STRA6: variants seen among roughly 807,000 people sequenced by gnomAD.
The protein encoded by STRA6 is receptor for retinol uptake STRA6.
In STRA6, 48 loss-of-function variants were observed where a neutral mutation model predicts 83.6. That is an observed-to-expected ratio of 0.57 (90% CI 0.46 to 0.73). The LOEUF is 0.73. Among genes scored for constraint, STRA6 ranks in the 30% least tolerant of loss-of-function variants. The pLI, the probability that STRA6 is intolerant of heterozygous loss-of-function variation, is 0.00. For synonymous variants in STRA6, 353 were observed against 362.3 expected (o/e 0.97, Z 0.29); for missense variants, 760 against 838.8 (o/e 0.91, Z 1.16).
upstream of STRA6, among the ~76,000 whole-genome samples, chr15:74,211,370 T>C (rs34573746): frequency 0.13 from 19,995 of 149,300 alleles, 1,875 homozygotes; most frequent in Non-Finnish European, 0.21. Flanking sequence ...CTGCTGGGTC[T>C]CTCTGTCAAT....
At position 74,183,881 on chromosome 15, in the gene STRA6, G is replaced by A. The variant is rs757544302; in HGVS notation, c.1275C>T (p.Ala425=). Residue 425 remains alanine (A), a synonymous_variant, in exon 14 of 19, where the codon GCC becomes GCT. Coordinates refer to ENST00000395105, the MANE Select transcript of STRA6 (RefSeq NM_022369.4). ...CAAGGCAGATAAAGGCTGTCTGGTA[G>A]GCACTGAAGCTCATCCAACAGAATA... is the stretch of plus-strand genomic sequence containing the variant. The part of the protein sequence containing the change: ...QAIFCWMSFS[A]YQTAFICLGL... The A allele has an allele frequency of 1.2e-6, 2 of 1,614,134 alleles. No individual in the cohort carries two copies. The highest frequency in any genetic ancestry group is 2.2e-5 in the South Asian group (2 of 91,088).
At position 74,179,917 on chromosome 15, in the gene STRA6, G is replaced by C; in HGVS notation, c.*163C>G. The C allele has an allele frequency of 1.1e-6, 1 of 937,940 alleles. No individual in the cohort carries two copies. Among genetic ancestry groups the C allele is most frequent in the African/African-American group, 1.6e-5 (1 of 61,186 alleles). The allele number at this position is 937,940 out of a possible 1,614,324, so 58.1% of individuals were successfully genotyped here. A position where few individuals can be genotyped will look rare whatever the true frequency, so the allele number is the denominator to read the frequency against. ...CAAGTGGGTGGAGCAGAGCCCTCCTGAGGCTCCCAGTGCAGACAGACCTCC... is the reference window on the plus strand; with the variant it reads ...CAAGTGGGTGGAGCAGAGCCCTCCTCAGGCTCCCAGTGCAGACAGACCTCC... On this transcript the variant is annotated 3_prime_UTR_variant, in exon 19 of 19. Transcript: ENST00000395105.
upstream of STRA6, among the ~76,000 whole-genome samples, chr15:74,211,043 C>A (rs2074360252): frequency 6.6e-6 from 1 of 152,174 alleles, no homozygotes; most frequent in Non-Finnish European, 1.5e-5. Flanking sequence ...CAGACTCCAA[C>A]ACATCCAAAA....
intron 4 of STRA6, among the ~76,000 whole-genome samples, chr15:74,196,718 C>T (rs1473089512): frequency 6.6e-6 from 1 of 152,176 alleles, no homozygotes; most frequent in Admixed American, 6.5e-5. Context: ...AGGCTGGTTC[C>T]CCACAAAACC....
At chr15:74,206,401 C>T (rs149524234), upstream of STRA6, among the ~76,000 whole-genome samples, 522 of 152,258 alleles carry the variant, frequency 3.4e-3, 5 homozygotes, top group African/African-American at 0.012. Flanking sequence ...ATGGGAGGCT[C>T]GGCTCTGAGC....
rs1365522848 is a variant in STRA6 at position 74,202,704 on chromosome 15, C to A, written c.-16+9G>T. On this transcript the variant is annotated intron_variant, in intron 1 of 18. Transcript: ENST00000395105. ...TCCCAAGCCCACCTAGACAGACCCACAGACACACCAGAAGGGAGGCCCAGG... is the reference window on the plus strand; with the variant it reads ...TCCCAAGCCCACCTAGACAGACCCAAAGACACACCAGAAGGGAGGCCCAGG... The A allele has an allele frequency of 2.4e-5, 32 of 1,314,592 alleles. No homozygotes were observed. The highest frequency in any genetic ancestry group is 3.1e-5 in the Non-Finnish European group (32 of 1,036,572). 81.4% of individuals were successfully genotyped at this position (1,314,592 alleles called of 1,614,324 possible).
At position 74,183,486 on chromosome 15, in the gene STRA6, C is replaced by T. The variant is rs145438014; in HGVS notation, c.1300+370G>A. The T allele has an allele frequency of 1.5e-3, 1,688 of 1,147,684 alleles. 17 individuals carry two copies. In the African/African-American group the frequency reaches 0.021, roughly 14 times the overall value. 71.1% of individuals were successfully genotyped at this position (1,147,684 alleles called of 1,614,324 possible). On this transcript the variant is annotated intron_variant, in intron 14 of 18. Coordinates refer to ENST00000395105, the MANE Select transcript of STRA6 (RefSeq NM_022369.4). Reference sequence around the variant, plus strand: ...GTCTTCATCTCCTGACTTCGTGATCCACCTGCCTCAGCCTCCCAAAGTGCT... The same window carrying T: ...GTCTTCATCTCCTGACTTCGTGATCTACCTGCCTCAGCCTCCCAAAGTGCT...
upstream of STRA6, among the ~76,000 whole-genome samples, chr15:74,211,907 A>C (rs938262443): frequency 1.3e-4 from 20 of 149,594 alleles, no homozygotes; most frequent in Non-Finnish European, 2.2e-4. Context: ...TTTTCTCTCT[A>C]TCACTCTCTC....
Position 74,180,820 on chromosome 15 carries a change from G to A in STRA6, c.1802C>T (p.Ala601Val). ...AQSLLPRTMA[A>V]PQDSLRPGEE... ...CCCTGGTCTGAGGCTGTCCTGGGGG[G>A]CTGCCATGGTCCTGGGTAGGAGGCT... The change falls in exon 18 of 19, where the codon GCC becomes GTC. Residue 601 changes from alanine (A) to valine (V), a missense_variant. Transcript: ENST00000395105. The A allele has an allele frequency of 1.2e-6, 2 of 1,613,578 alleles. No homozygotes were observed. Among genetic ancestry groups the A allele is most frequent in the Non-Finnish European group, 1.7e-6 (2 of 1,179,578 alleles).
intron 1 of STRA6, chr15:74,208,754 A>G: frequency 1.0e-6 from 1 of 988,274 alleles, no homozygotes; most frequent in Non-Finnish European, 1.2e-6. Context: ...CTGTTCCCCG[A>G]CCTGTTCCAA....
intron 8 of STRA6, among the ~76,000 whole-genome samples, chr15:74,192,431 C>T (rs959019959): frequency 2.0e-5 from 3 of 152,136 alleles, no homozygotes; most frequent in African/African-American, 4.8e-5. Context: ...GTCTGGAGTC[C>T]GTGGGCCTTC....
chr15:74,194,354 T>C lies in STRA6; in HGVS notation c.598-432A>G, dbSNP rs2073707694. ...CTACTCCTCAGGGCTGAGGCCTTCC[T>C]GGGGGTGGGCTTTTTGTATACTCAT... On this transcript the variant is annotated intron_variant, in intron 7 of 18. Transcript: ENST00000395105. 12 of 1,072,618 alleles carry C rather than the reference T, an allele frequency of 1.1e-5. No homozygotes were observed. The South Asian group carries it at 3.6e-4, about 33-fold the overall frequency. 66.4% of individuals were successfully genotyped at this position (1,072,618 alleles called of 1,614,324 possible).
rs182597347 is a variant in STRA6 at position 74,181,057 on chromosome 15, C to T, written c.1685-120G>A. ...CACTCCCTGCATCCAAGCATGTCGA[C>T]ACACCAAGCACGTGGCACATTGGCT... is the stretch of plus-strand genomic sequence containing the variant. On this transcript the variant is annotated intron_variant, in intron 17 of 18. Transcript: ENST00000395105. The T allele has an allele frequency of 5.5e-6, 8 of 1,454,980 alleles. No homozygotes were observed. The East Asian group carries it at 1.4e-4, about 25-fold the overall frequency. 90.1% of individuals were successfully genotyped at this position (1,454,980 alleles called of 1,614,324 possible). A position where few individuals can be genotyped will look rare whatever the true frequency, so the allele number is the denominator to read the frequency against.
At chr15:74,186,829 G>C (rs928265182) in intron 12 of STRA6, among the ~76,000 whole-genome samples, 3 of 152,152 alleles carry the variant, frequency 2.0e-5, no homozygotes, top group Admixed American at 6.5e-5. Context: ...GCCCCACTCT[G>C]AGAGTTTCTG....
intron 2 of STRA6, among the ~76,000 whole-genome samples, chr15:74,201,868 CCT>C (rs2074082704): frequency 6.6e-6 from 1 of 152,146 alleles, no homozygotes; most frequent in South Asian, 2.1e-4. Flanking sequence ...GGGAGCCATC[CCT>C]GCAGATCTGA....
At chr15:74,208,813 C>A in exon 1 of STRA6, 1 of 988,474 alleles carries the variant, frequency 1.0e-6, no homozygotes, top group South Asian at 4.7e-5. Context: ...CAATCAAGCG[C>A]TCTCCTGACC....
chr15:74,203,967 G>C (rs566164985), upstream of STRA6, among the ~76,000 whole-genome samples: 9 of 152,344 alleles, frequency 5.9e-5, no homozygotes, highest in Non-Finnish European at 1.3e-4. Flanking sequence ...AAGTCTCAGA[G>C]TAGACAGGGC....
rs757666088 is a variant in STRA6, at chr15:74,179,756, G to A, written c.*324C>T. ...GAGTGGTTCCAGAGAAGGCTTCATC[G>A]AGGCCCTTCAAGGCTGATGGCAGAG... On this transcript the variant is annotated 3_prime_UTR_variant, in exon 19 of 19. Transcript: ENST00000395105. The A allele has an allele frequency of 2.6e-4, 76 of 290,592 alleles. No individual in the cohort carries two copies. Among genetic ancestry groups the A allele is most frequent in the South Asian group, 1.3e-4 (2 of 15,870 alleles). The allele number at this position is 290,592 out of a possible 1,614,324, so 18.0% of individuals were successfully genotyped here.
chr15:74,209,637 A>G (rs1595871592), upstream of STRA6: 1 of 582,920 alleles, frequency 1.7e-6, no homozygotes, highest in East Asian at 2.9e-5. Flanking sequence ...CCTGCTCTTC[A>G]CCCCAAGTAC....
Sources: gnomAD v4.1 joint callset for allele counts (sites outside exome capture counted in the v4.1 genomes callset) on GRCh38, gnomAD v4.1.1 for gene constraint, MANE v1.5 for transcripts, NCBI Gene and HGNC (gene_info 2026-07-23, HGNC 2026-07-21) for gene names.